The following EXO1 variants were observed in gnomAD, a reference collection of about 807,000 sequenced individuals.
EXO1 encodes exonuclease 1.
Under a neutral mutation model 84.5 loss-of-function variants are expected in EXO1, and 69 were observed. The ratio of observed to expected loss-of-function variants is 0.82; its 90% confidence interval spans 0.67 to 1.00. The LOEUF (loss-of-function observed/expected upper bound fraction) is 1.00. EXO1 is among the 50% of genes least tolerant of loss of function. The probability of loss-of-function intolerance (pLI) is 0.00; values close to 1 mark genes in which losing one functional copy is unlikely to be tolerated. For synonymous variants in EXO1, 373 were observed against 366.1 expected (o/e 1.02, Z -0.21); for missense variants, 1,045 against 1,000.7 (o/e 1.04, Z -0.60).
intron 12 of EXO1, among the ~76,000 whole-genome samples, chr1:241,873,840 G>A (rs972329223): frequency 6.6e-6 from 1 of 152,148 alleles, no homozygotes; most frequent in Non-Finnish European, 1.5e-5. Flanking sequence ...TCCCTGCCTA[G>A]GTTTAAATGA....
Position 241,878,903 on chromosome 1 carries a change from C to T in EXO1, c.1669C>T (p.Arg557Cys), listed in dbSNP as rs145789527. ...GKRLVDTDVA[R>C]NSSDDIPNNH... ...GAGACTGGTTGACACAGATGTAGCA[C>T]GTAATTCAAGTGATGACATTCCGAA... is the stretch of plus-strand genomic sequence containing the variant. Residue 557 changes from arginine to cysteine, a missense_variant, in exon 13 of 16, where the codon CGT becomes TGT. Arg to Cys is a radical substitution (Grantham distance 180). Coordinates refer to ENST00000366548, the MANE Select transcript of EXO1 (RefSeq NM_130398.4). 130 of 1,614,092 alleles carry T rather than the reference C, an allele frequency of 8.1e-5. No homozygotes were observed. In the East Asian group the frequency reaches 1.6e-3, roughly 20 times the overall value.
At chr1:241,855,486 G>GC (rs972916547) in intron 6 of EXO1, among the ~76,000 whole-genome samples, 1 of 152,222 alleles carries the variant, frequency 6.6e-6, no homozygotes, top group African/African-American at 2.4e-5. Flanking sequence ...ATTCTCCAAG[G>GC]CCCCACCAGA....
chr1:241,883,834 A>C (rs1448728478), intron 14 of EXO1, among the ~76,000 whole-genome samples: 1 of 152,196 alleles, frequency 6.6e-6, no homozygotes, highest in African/African-American at 2.4e-5. Flanking sequence ...ATGCAGAATT[A>C]TTTACAATGA....
Position 241,889,557 on chromosome 1 carries a change from A to G in EXO1, c.2498A>G (p.Asn833Ser). Residue 833 changes from asparagine (N) to serine (S), a missense_variant, in exon 16 of 16, where the codon AAC becomes AGC. By Grantham distance (46) the Asn-to-Ser change is conservative. Transcript: ENST00000366548. ...LTPEAEEDIFNKPECGRVQRA... is the reference protein window; with the variant it reads ...LTPEAEEDIFSKPECGRVQRA... ...CCAGAAGCGGAAGAGGATATATTTA[A>G]CAAACCTGAATGTGGCCGTGTTCAA... 3 of 1,614,092 alleles carry G rather than the reference A, an allele frequency of 1.9e-6. No homozygotes were observed. Among genetic ancestry groups the G allele is most frequent in the Non-Finnish European group, 2.5e-6 (3 of 1,179,964 alleles).
At position 241,850,605 on chromosome 1, in the gene EXO1, T is replaced by G. The variant is rs752365325; in HGVS notation, c.161+19T>G. On this transcript the variant is annotated intron_variant, in intron 4 of 15. Coordinates refer to ENST00000366548, the MANE Select transcript of EXO1 (RefSeq NM_130398.4). The stretch of plus-strand genomic sequence containing the variant: ...CTGATAGGTAAGTCTGGACCTTATG[T>G]TAATTCTTTGACAATTAAGAATGAG... The G allele has an allele frequency of 6.2e-7, 1 of 1,608,668 alleles. No individual in the cohort carries two copies. The highest frequency in any genetic ancestry group is 8.5e-7 in the Non-Finnish European group (1 of 1,176,672).
Position 241,879,169 on chromosome 1 carries a change from GAAT to G in EXO1, c.1940_1942del (p.Asn647del). 3 of 1,607,640 alleles carry G rather than the reference GAAT, an allele frequency of 1.9e-6. No homozygotes were observed. The highest frequency in any genetic ancestry group is 1.1e-5 in the South Asian group (1 of 90,990). On this transcript the variant is annotated inframe_deletion, in exon 13 of 16. Transcript: ENST00000366548. ...GCGATTCCCCCACCTCTTTGCCTGA[GAAT>G]AATATGTCTGATGTGTCGCAGTTAA...
intron 7 of EXO1, among the ~76,000 whole-genome samples, chr1:241,858,173 G>A (rs1215098113): frequency 6.6e-6 from 1 of 152,184 alleles, no homozygotes; most frequent in Non-Finnish European, 1.5e-5. Flanking sequence ...AGGTACAAGT[G>A]ACAGAGAAAG....
Position 241,852,273 on chromosome 1 carries a change from T to G in EXO1, c.162-19T>G. ...CTTAAGAAAGGTGAAGCACTGAATG[T>G]TTTTCTTTTTTTCCATAGGTATGTA... On this transcript the variant is annotated intron_variant, in intron 4 of 15. Coordinates refer to ENST00000366548, the MANE Select transcript of EXO1 (RefSeq NM_130398.4). The G allele has an allele frequency of 6.3e-7, 1 of 1,593,978 alleles. No individual in the cohort carries two copies. Among genetic ancestry groups the G allele is most frequent in the South Asian group, 1.1e-5 (1 of 90,682 alleles).
intron 15 of EXO1, among the ~76,000 whole-genome samples, chr1:241,887,930 C>T (rs780649862): frequency 3.3e-5 from 5 of 152,118 alleles, no homozygotes; most frequent in East Asian, 1.9e-4. Context: ...TGAGCCACCA[C>T]GCCTGGCCCC....
intron 11 of EXO1, among the ~76,000 whole-genome samples, chr1:241,871,080 A>AG (rs1299882534): frequency 1.3e-5 from 2 of 150,032 alleles, no homozygotes; most frequent in African/African-American, 4.8e-5. Context: ...AACCTTATTG[A>AG]GAAAAAAAAA....
At chr1:241,869,288 G>A (rs1661936780) in intron 11 of EXO1, among the ~76,000 whole-genome samples, 2 of 152,204 alleles carry the variant, frequency 1.3e-5, no homozygotes, top group Non-Finnish European at 2.9e-5. Context: ...TTGAACAGAT[G>A]TGCCAAGACA....
intron 8 of EXO1, among the ~76,000 whole-genome samples, chr1:241,858,939 C>G (rs1041763715): frequency 2.0e-4 from 30 of 152,106 alleles, no homozygotes; most frequent in African/African-American, 6.5e-4. Context: ...ATTTTTAAAA[C>G]AAAGACTAGT....
intron 5 of EXO1, among the ~76,000 whole-genome samples, chr1:241,853,052 A>G (rs1283849498): frequency 6.6e-6 from 1 of 152,224 alleles, no homozygotes; most frequent in Non-Finnish European, 1.5e-5. Context: ...TATCTGCTAC[A>G]TTATCACTTT....
intron 6 of EXO1, chr1:241,854,529 G>C (rs1660856240): frequency 6.6e-6 from 1 of 152,302 alleles, no homozygotes; most frequent in Admixed American, 6.5e-5. Flanking sequence ...CTACACTTCT[G>C]ATTTTGGCTT....
chr1:241,855,776 C>T (rs1660979073), intron 6 of EXO1, among the ~76,000 whole-genome samples: 2 of 152,188 alleles, frequency 1.3e-5, no homozygotes, highest in South Asian at 2.1e-4. Context: ...GCCGGTGGGC[C>T]GGCACTGCTG....
intron 12 of EXO1, among the ~76,000 whole-genome samples, chr1:241,873,933 A>T (rs943422215): frequency 1.4e-4 from 21 of 152,192 alleles, no homozygotes; most frequent in African/African-American, 4.3e-4. Flanking sequence ...GATGGGGGGC[A>T]GCATGGGGCT....
chr1:241,889,495 A>G lies in EXO1; in HGVS notation c.2436A>G (p.Lys812=). 6.2e-7 allele frequency: 1 copy of G among 1,613,770 alleles called. No homozygotes were observed. The highest frequency in any genetic ancestry group is 8.5e-7 in the Non-Finnish European group (1 of 1,179,660). ...CTGAAAAGCTTCCTCCTTGTAAGAA[A>G]CCCCTGTCCCCAGTCAGAGATAACA... is the stretch of plus-strand genomic sequence containing the variant. ...KDSEKLPPCK[K]PLSPVRDNIQ... Residue 812 remains lysine (K), a synonymous_variant, in exon 16 of 16, where the codon AAA becomes AAG. Transcript: ENST00000366548.
Position 241,886,700 on chromosome 1 carries a change from A to G in EXO1, c.2405+1193A>G, listed in dbSNP as rs149715987. 8.4e-3 allele frequency among the ~76,000 whole-genome samples: 1,278 copies of G among 152,352 alleles called. 13 individuals carry two copies. The highest frequency in any genetic ancestry group is 0.017 in the Middle Eastern group (5 of 294). ...AGGTTATATTTGTCAACACTTAACCATCATAGAAATTGAAATAGACATTTT... is the reference window on the plus strand; with the variant it reads ...AGGTTATATTTGTCAACACTTAACCGTCATAGAAATTGAAATAGACATTTT... On this transcript the variant is annotated intron_variant, in intron 15 of 15. Coordinates refer to ENST00000366548, the MANE Select transcript of EXO1 (RefSeq NM_130398.4).
In EXO1 at chr1:241,852,336, A is replaced by T. The variant is rs1269828472; in HGVS notation, c.206A>T (p.His69Leu). 6.3e-7 allele frequency: 1 copy of T among 1,594,196 alleles called. No homozygotes were observed. Among genetic ancestry groups the T allele is most frequent in the Non-Finnish European group, 8.6e-7 (1 of 1,162,596 alleles). The change falls in exon 5 of 16, where the codon CAT becomes CTT. Residue 69 changes from histidine to leucine, a missense_variant. Transcript: ENST00000366548. Reference protein sequence around the residue: ...CMKFVNMLLSHGIKPILVFDG... With the variant: ...CMKFVNMLLSLGIKPILVFDG... ...AAATTTGTAAATATGTTACTATCTC[A>T]TGGGATCAAGCCTATTCTCGTATTT...
Sources: allele counts gnomAD v4.1 joint callset (sites outside exome capture counted in the v4.1 genomes callset), GRCh38; gene constraint gnomAD v4.1.1; transcripts MANE v1.5; gene names NCBI Gene and HGNC (gene_info 2026-07-23, HGNC 2026-07-21).